The following MYO10 variants were observed in gnomAD, a reference collection of about 807,000 sequenced individuals.
MYO10 encodes the protein myosin X.
Under a neutral mutation model 257.3 loss-of-function variants are expected in MYO10, and 133 were observed. The ratio of observed to expected loss-of-function variants is 0.52; its 90% CI spans 0.45 to 0.60. The LOEUF is 0.60. Ranked by LOEUF, MYO10 falls within the 20% of genes least tolerant of loss-of-function variation. MYO10 has a pLI of 0.00. For synonymous variants in MYO10, 1,104 were observed against 1,028.6 expected, an observed-to-expected ratio of 1.07 and a Z score of -1.40; for missense variants, 2,399 against 2,635.7, an observed-to-expected ratio of 0.91 and a Z score of 1.97.
chr5:16,830,679 G>GCACACACACACACGCTCACACA lies in MYO10; in HGVS notation c.121-12513_121-12512insTGTGTGAGCGTGTGTGTGTGTG, dbSNP rs1554000806. Among the ~76,000 whole-genome samples the GCACACACACACACGCTCACACA allele has an allele frequency of 2.3e-3, 338 of 149,020 alleles. 4 individuals carry two copies. The highest frequency in any genetic ancestry group is 0.014 in the Middle Eastern group (4 of 286). ...AATCCTAACGTTATTTTTTTAATAG[G>GCACACACACACACGCTCACACA]CACACACACACACACACACACAGGG... On this transcript the variant is annotated intron_variant, in intron 2 of 40. Coordinates refer to ENST00000513610, the MANE Select transcript of MYO10 (RefSeq NM_012334.3).
At chr5:16,866,162 G>A (rs188357823) in intron 2 of MYO10, among the ~76,000 whole-genome samples, 2 of 151,984 alleles carry the variant, frequency 1.3e-5, no homozygotes, top group East Asian at 3.9e-4. Flanking sequence ...ACTAGTAATA[G>A]CAAATCCTTC....
chr5:16,829,897 A>ACACACACG (rs1554000738), intron 2 of MYO10, among the ~76,000 whole-genome samples: 71 of 148,856 alleles, frequency 4.8e-4, no homozygotes, highest in African/African-American at 1.7e-3. Flanking sequence ...ACACACACAC[A>ACACACACG]CACACGCACA....
rs574226125 is a variant in MYO10 at position 16,902,618 on chromosome 5, A to G, written c.22-24911T>C. 2.6e-5 allele frequency: 40 copies of G among 1,535,160 alleles called. No individual in the cohort carries two copies. The African/African-American group carries it at 4.2e-4, about 16-fold the overall frequency. ...GGCCGCGGCCCTTTTTGGCACGACC[A>G]TTGTTCCTTCTTTTCTTTGTCATCT... On this transcript the variant is annotated intron_variant, in intron 1 of 40. Coordinates refer to ENST00000513610, the MANE Select transcript of MYO10 (RefSeq NM_012334.3).
At chr5:16,853,247 G>A (rs548187908) in intron 2 of MYO10, among the ~76,000 whole-genome samples, 171 of 152,074 alleles carry the variant, frequency 1.1e-3, no homozygotes, top group Non-Finnish European at 1.6e-3. Context: ...AGTGGTGGGC[G>A]CCTGTAGTCC....
At chr5:16,859,506 G>C (rs960057357) in intron 2 of MYO10, among the ~76,000 whole-genome samples, 2 of 152,184 alleles carry the variant, frequency 1.3e-5, no homozygotes, top group African/African-American at 4.8e-5. Flanking sequence ...AGTGCTTTGG[G>C]AGGCTGAGGC....
chr5:16,906,473 A>T (rs1343329903), intron 1 of MYO10, among the ~76,000 whole-genome samples: 1 of 152,156 alleles, frequency 6.6e-6, no homozygotes, highest in African/African-American at 2.4e-5. Flanking sequence ...TGTCCCCTGG[A>T]GGCAAAATCG....
chr5:16,813,735 C>T (rs1742512301), intron 3 of MYO10, among the ~76,000 whole-genome samples: 1 of 152,096 alleles, frequency 6.6e-6, no homozygotes, highest in Admixed American at 6.6e-5. Flanking sequence ...GGAGATCATC[C>T]AGGGAGGCCC....
intron 19 of MYO10, among the ~76,000 whole-genome samples, chr5:16,721,072 C>A (rs1428533638): frequency 6.6e-6 from 1 of 152,088 alleles, no homozygotes; most frequent in African/African-American, 2.4e-5. Flanking sequence ...AAATAAACAA[C>A]CTTATCTTCT....
At chr5:16,846,639 T>G (rs535013472) in intron 2 of MYO10, among the ~76,000 whole-genome samples, 1 of 152,264 alleles carries the variant, frequency 6.6e-6, no homozygotes, top group African/African-American at 2.4e-5. Context: ...GTGGGAAAGG[T>G]CATCATCATC....
At chr5:16,749,982 T>C (rs528088802) in intron 19 of MYO10, among the ~76,000 whole-genome samples, 1 of 152,298 alleles carries the variant, frequency 6.6e-6, no homozygotes, top group East Asian at 1.9e-4. Flanking sequence ...AAAAGCAGGT[T>C]TTCTATCTTA....
intron 4 of MYO10, among the ~76,000 whole-genome samples, chr5:16,792,128 CACACAGAGAGAGAGAGAGAGAG>C (rs1161386277): frequency 7.6e-4 from 105 of 137,826 alleles, no homozygotes; most frequent in African/African-American, 2.9e-3. Context: ...CACACACACA[CACACAGAGAGAGAGAGAGAGAG>C]AGAGAGAGAG....
At chr5:16,720,033 T>C (rs1380416693) in intron 19 of MYO10, among the ~76,000 whole-genome samples, 1 of 151,822 alleles carries the variant, frequency 6.6e-6, no homozygotes, top group African/African-American at 2.4e-5. Context: ...TATATGTATG[T>C]ATGTATTAGA....
rs73757207 is a variant in MYO10 at position 16,935,099 on chromosome 5, C to T, written c.21+689G>A. Among the ~76,000 whole-genome samples the T allele has an allele frequency of 7.8e-3, 1,195 of 152,330 alleles. 16 individuals carry two copies. The highest frequency in any genetic ancestry group is 0.027 in the African/African-American group (1,128 of 41,574). The stretch of plus-strand genomic sequence containing the variant: ...TTAAGTTTCAGTGTCCCACCCTCAA[C>T]GACCCTAAAGAGGGCATCCGTTTCA... On this transcript the variant is annotated intron_variant, in intron 1 of 40. Transcript: ENST00000513610.
At chr5:16,868,925 G>C (rs191782213) in intron 2 of MYO10, among the ~76,000 whole-genome samples, 161 of 152,124 alleles carry the variant, frequency 1.1e-3, no homozygotes, top group African/African-American at 3.7e-3. Context: ...CGATCTCCTT[G>C]GCAAAAACAA....
chr5:16,885,611 G>A (rs997799079), intron 1 of MYO10, among the ~76,000 whole-genome samples: 1 of 151,688 alleles, frequency 6.6e-6, no homozygotes, highest in African/African-American at 2.4e-5. Flanking sequence ...GACAGAGGTT[G>A]CAGTGAGCCA....
At chr5:16,795,898 C>T (rs9790868) in intron 3 of MYO10, among the ~76,000 whole-genome samples, 16,808 of 152,006 alleles carry the variant, frequency 0.11, 1,067 homozygotes, top group South Asian at 0.25. Context: ...TTCGAAAATG[C>T]TAGGTATCAG....
intron 2 of MYO10, among the ~76,000 whole-genome samples, chr5:16,851,889 A>G (rs2625203): frequency 0.45 from 68,271 of 151,316 alleles, 17,598 homozygotes; most frequent in African/African-American, 0.72. Context: ...TGTCCGTACT[A>G]AAAATACAAA....
At position 16,699,497 on chromosome 5, in the gene MYO10, T is replaced by C. The variant is rs1737924404; in HGVS notation, c.3509A>G (p.Tyr1170Cys). The C allele has an allele frequency of 6.2e-7, 1 of 1,613,798 alleles. No homozygotes were observed. The highest frequency in any genetic ancestry group is 1.7e-5 in the Admixed American group (1 of 60,002). Reference sequence around the variant, plus strand: ...GAAATACGGCAGAGTGACACAGCTGTACACAGAGTCACGCCGGTATGAAAG... The same window carrying C: ...GAAATACGGCAGAGTGACACAGCTGCACACAGAGTCACGCCGGTATGAAAG... ...DELSYRRDSV[Y>C]SCVTLPYFHS... is the part of the protein sequence containing the mutation. The change falls in exon 26 of 41, where the codon TAC becomes TGC. Residue 1170 changes from tyrosine to cysteine, a missense_variant. Around this residue, in one of 3 missense-constraint regions of MYO10, gnomAD observed 1,820 missense variants for 1,939.4 expected, o/e 0.94. Transcript: ENST00000513610.
intron 9 of MYO10, among the ~76,000 whole-genome samples, chr5:16,772,851 T>C (rs955267857): frequency 6.6e-6 from 1 of 152,156 alleles, no homozygotes; most frequent in African/African-American, 2.4e-5. Flanking sequence ...TACATGGAAC[T>C]CTAAAGAAGA....
Sources: gnomAD v4.1 joint callset for allele counts (sites outside exome capture counted in the v4.1 genomes callset) on GRCh38, gnomAD v4.1.1 for gene constraint, gnomAD v4.1.1 regional missense constraint, MANE v1.5 for transcripts, NCBI Gene and HGNC (gene_info 2026-07-23, HGNC 2026-07-21) for gene names.